ACACB: variants seen among roughly 807,000 people sequenced by gnomAD.
The protein encoded by ACACB is acetyl-CoA carboxylase beta, also known as acetyl-CoA carboxylase 2.
In ACACB, 209 loss-of-function variants were observed where a neutral mutation model predicts 278.8. The ratio of observed to expected loss-of-function variants is 0.75; its 90% CI spans 0.67 to 0.84. The LOEUF is 0.84. ACACB is among the 40% of genes least tolerant of loss of function. The pLI, the probability that ACACB is intolerant of heterozygous loss-of-function variation, is 0.00. For synonymous variants in ACACB, 1,174 were observed against 1,285.6 expected (o/e 0.91, Z 1.86); for missense variants, 2,850 against 3,269.0 (o/e 0.87, Z 3.13).
At chr12:109,158,577 G>A (rs1246961242) in intron 2 of ACACB, among the ~76,000 whole-genome samples, 3 of 152,228 alleles carry the variant, frequency 2.0e-5, no homozygotes, top group African/African-American at 7.2e-5. Flanking sequence ...TCAGGAGGCT[G>A]AGGTGGGAGG....
chr12:109,135,483 C>G (rs2136001668), intron 1 of ACACB, among the ~76,000 whole-genome samples: 1 of 151,914 alleles, frequency 6.6e-6, no homozygotes, highest in Non-Finnish European at 1.5e-5. Context: ...TTTTCACTTT[C>G]TTGATAGCAT....
chr12:109,184,211 C>T lies in ACACB; in HGVS notation c.1819-1368C>T, dbSNP rs558792940. Among the ~76,000 whole-genome samples, 14 of 152,178 alleles carry T rather than the reference C, an allele frequency of 9.2e-5. No homozygotes were observed. The East Asian group carries it at 2.5e-3, about 27-fold the overall frequency. On this transcript the variant is annotated intron_variant, in intron 11 of 52. Coordinates refer to ENST00000338432, the MANE Select transcript of ACACB (RefSeq NM_001093.4). ...GGGATTATAGGTGCCTGCCACCACACCCAGCTAATTTTTATATTTTTAGTA... is the reference window on the plus strand; with the variant it reads ...GGGATTATAGGTGCCTGCCACCACATCCAGCTAATTTTTATATTTTTAGTA...
chr12:109,169,765 T>G (rs538328517), intron 4 of ACACB, among the ~76,000 whole-genome samples: 1 of 152,328 alleles, frequency 6.6e-6, no homozygotes, highest in African/African-American at 2.4e-5. Flanking sequence ...AGTTATTGTG[T>G]TTATTTTCTT....
chr12:109,179,434 T>A (rs746925492), intron 10 of ACACB, 137 bp downstream of exon 10: 8 of 855,370 alleles, frequency 9.4e-6, no homozygotes, highest in Non-Finnish European at 1.3e-5. Context: ...ATTCCAGAGG[T>A]GATTTCAGCA....
chr12:109,199,446 A>G lies in ACACB; in HGVS notation c.2672A>G (p.Glu891Gly). The change falls in exon 18 of 53, where the codon GAG becomes GGG. Residue 891 changes from glutamate to glycine, a missense_variant. By Grantham distance (98) the Glu-to-Gly change is moderately conservative. This residue lies in a region of ACACB where 2,265 missense variants were observed against 2,561.3 expected (regional missense o/e 0.88). Transcript: ENST00000338432. ...AATAAGACGTGTGTGTTTGAGAAGG[A>G]GAACGATCCTACAGTCCTGAGATCC... is the stretch of plus-strand genomic sequence containing the variant. ...IGNKTCVFEK[E>G]NDPTVLRSPS... 1.3e-6 allele frequency: 2 copies of G among 1,548,606 alleles called. No individual in the cohort carries two copies. The highest frequency in any genetic ancestry group is 1.7e-6 in the Non-Finnish European group (2 of 1,146,854).
intron 13 of ACACB, among the ~76,000 whole-genome samples, chr12:109,190,308 G>A (rs779933296): frequency 1.4e-4 from 21 of 152,188 alleles, no homozygotes; most frequent in Non-Finnish European, 2.6e-4. Flanking sequence ...GGCTGGTCTC[G>A]AACTCCTGAC....
At chr12:109,220,860 A>G (rs1406560797) in intron 24 of ACACB, among the ~76,000 whole-genome samples, 2 of 152,150 alleles carry the variant, frequency 1.3e-5, no homozygotes, top group Admixed American at 6.6e-5. Flanking sequence ...CTGCCTAGAA[A>G]AATGTTTTTG....
chr12:109,232,060 C>T (rs2046488836), intron 28 of ACACB, among the ~76,000 whole-genome samples: 1 of 152,226 alleles, frequency 6.6e-6, no homozygotes, highest in African/African-American at 2.4e-5. Flanking sequence ...CTCAGAAGAG[C>T]AGTGTGGGGC....
chr12:109,161,688 G>A (rs994002845), intron 2 of ACACB, among the ~76,000 whole-genome samples: 1 of 151,664 alleles, frequency 6.6e-6, no homozygotes, highest in Non-Finnish European at 1.5e-5. Context: ...AGAAAATTTG[G>A]TGTATATATA....
intron 50 of ACACB, 23 bp downstream of exon 50, chr12:109,264,409 A>G (rs1370569825): frequency 6.6e-7 from 1 of 1,511,918 alleles, no homozygotes; most frequent in Non-Finnish European, 9.0e-7. Flanking sequence ...GCTGCCGTGT[A>G]GGGTGCAAAG....
At position 109,210,088 on chromosome 12, in the gene ACACB, T is replaced by C. The variant is rs867524285; in HGVS notation, c.3249+735T>C. ...GTATATATGTGTATATATGTATATA[T>C]ACACACATGTGTGTGTATATGTATA... On this transcript the variant is annotated intron_variant, in intron 21 of 52. Coordinates refer to ENST00000338432, the MANE Select transcript of ACACB (RefSeq NM_001093.4). Among the ~76,000 whole-genome samples the C allele has an allele frequency of 1.7e-5, 2 of 120,458 alleles. 1 individual carries two copies. 79.0% of individuals were successfully genotyped at this position (120,458 alleles called of 152,430 possible). A position where few individuals can be genotyped will look rare whatever the true frequency, so the allele number is the denominator to read the frequency against.
chr12:109,237,153 G>A lies in ACACB; in HGVS notation c.4447-12G>A. The A allele has an allele frequency of 1.9e-6, 3 of 1,613,962 alleles. No homozygotes were observed. The highest frequency in any genetic ancestry group is 2.5e-6 in the Non-Finnish European group (3 of 1,179,914). On this transcript the variant is annotated splice_polypyrimidine_tract_variant and intron_variant, in intron 33 of 52. Coordinates refer to ENST00000338432, the MANE Select transcript of ACACB (RefSeq NM_001093.4). The stretch of plus-strand genomic sequence containing the variant: ...TGTATGTGTCTGTCTTCTCTCTCTG[G>A]TCCGCCTACAGTTTGCAGAAGATCG...
rs371416586 is a variant in ACACB at position 109,197,062 on chromosome 12, G to A, written c.2536G>A (p.Glu846Lys). 57 of 1,594,832 alleles carry A rather than the reference G, an allele frequency of 3.6e-5. No homozygotes were observed. Among genetic ancestry groups the A allele is most frequent in the East Asian group, 4.6e-5 (2 of 43,366 alleles). The change falls in exon 17 of 53, where the codon GAG becomes AAG. Residue 846 changes from glutamate (E) to lysine (K), a missense_variant. Glu to Lys is a moderately conservative substitution (Grantham distance 56). Coordinates refer to ENST00000338432, the MANE Select transcript of ACACB (RefSeq NM_001093.4). ...TCTCATCATGAATGGCTGCCACATCGAGATTGATGCCCACCGGCTGAATGA... is the reference window on the plus strand; with the variant it reads ...TCTCATCATGAATGGCTGCCACATCAAGATTGATGCCCACCGGCTGAATGA... ...FVLIMNGCHI[E>K]IDAHRLNDGG...
chr12:109,247,614 A>G lies in ACACB; in HGVS notation c.5580A>G (p.Lys1860=). The G allele has an allele frequency of 6.2e-7, 1 of 1,613,046 alleles. No homozygotes were observed. The highest frequency in any genetic ancestry group is 8.5e-7 in the Non-Finnish European group (1 of 1,179,330). The change falls in exon 40 of 53, where the codon AAA becomes AAG. Residue 1860 remains lysine (K), a synonymous_variant. Coordinates refer to ENST00000338432, the MANE Select transcript of ACACB (RefSeq NM_001093.4). The part of the protein sequence containing the change: ...VDPEDPHKGF[K]YLYLTPQDYT... ...CTAAAGTATTTTTTAAGGGATTTAA[A>G]TACCTGTACCTGACTCCCCAAGACT... is the stretch of plus-strand genomic sequence containing the variant.
chr12:109,256,272 G>T, intron 45 of ACACB, 36 bp downstream of exon 45: 2 of 1,582,030 alleles, frequency 1.3e-6, no homozygotes, highest in South Asian at 2.2e-5. Flanking sequence ...GCCCATGTCT[G>T]ACTCACCAGG....
chr12:109,166,663 AAAAAAAAAAAAAAAC>A (rs1565880019), intron 2 of ACACB, among the ~76,000 whole-genome samples, 183 bp from the exon 3 acceptor site: 2 of 143,400 alleles, frequency 1.4e-5, no homozygotes, highest in Non-Finnish European at 3.0e-5. Flanking sequence ...AAAAAAAAAA[AAAAAAAAAAAAAAAC>A]CGAAGGTGCT....
intron 10 of ACACB, 30 bp from the exon 11 acceptor site, chr12:109,179,887 C>T: frequency 6.3e-7 from 1 of 1,582,556 alleles, no homozygotes; most frequent in Non-Finnish European, 8.6e-7. Context: ...ACCTCTGGAA[C>T]CCCCTTGGCC....
chr12:109,162,082 T>G lies in ACACB; in HGVS notation c.654-4779T>G, dbSNP rs567102232. Among the ~76,000 whole-genome samples the G allele has an allele frequency of 2.0e-5, 3 of 152,172 alleles. No homozygotes were observed. In the South Asian group the frequency reaches 6.2e-4, roughly 32 times the overall value. Reference sequence around the variant, plus strand: ...ACCTCTGCCTCCCGGGTTCAAGTGATTTTTGTGCCTCAGCCTCCCCAGTAG... The same window carrying G: ...ACCTCTGCCTCCCGGGTTCAAGTGAGTTTTGTGCCTCAGCCTCCCCAGTAG... On this transcript the variant is annotated intron_variant, in intron 2 of 52. Transcript: ENST00000338432.
Position 109,246,457 on chromosome 12 carries a change from T to A in ACACB, c.5571+9T>A. The A allele has an allele frequency of 1.2e-6, 2 of 1,606,332 alleles. No homozygotes were observed. Among genetic ancestry groups the A allele is most frequent in the Non-Finnish European group, 1.7e-6 (2 of 1,173,886 alleles). On this transcript the variant is annotated intron_variant, in intron 39 of 52. Transcript: ENST00000338432. Reference sequence around the variant, plus strand: ...CAGAAGACCCCCACAAAGTACGTCGTGAAACTGGCGGGGCAGGGTGATTCT... The same window carrying A: ...CAGAAGACCCCCACAAAGTACGTCGAGAAACTGGCGGGGCAGGGTGATTCT...
Sources: gnomAD v4.1 joint callset for allele counts (sites outside exome capture counted in the v4.1 genomes callset) on GRCh38, gnomAD v4.1.1 for gene constraint, gnomAD v4.1.1 regional missense constraint, MANE v1.5 for transcripts, NCBI Gene and HGNC (gene_info 2026-07-23, HGNC 2026-07-21) for gene names.